The following POU2F1 variants were observed in gnomAD, a reference collection of about 807,000 sequenced individuals.
POU2F1 encodes POU class 2 homeobox 1.
Under a neutral mutation model 84.9 loss-of-function variants are expected in POU2F1, and 16 were observed. That is an observed-to-expected ratio of 0.19 (90% CI 0.13 to 0.29). The LOEUF is 0.29. POU2F1 is among the 10% of genes least tolerant of loss of function. The pLI is 1.00. For synonymous variants in POU2F1, 368 were observed against 368.3 expected, an observed-to-expected ratio of 1.00 and a Z score of 0.01; for missense variants, 738 against 942.6, an observed-to-expected ratio of 0.78 and a Z score of 2.84.
intron 1 of POU2F1, among the ~76,000 whole-genome samples, chr1:167,268,424 TCA>T (rs1652133306): frequency 6.6e-6 from 1 of 152,114 alleles, no homozygotes; most frequent in Non-Finnish European, 1.5e-5. Context: ...TTTCTTTCTC[TCA>T]GTCTGTCAAG....
chr1:167,388,842 A>G (rs1344240349), intron 8 of POU2F1, among the ~76,000 whole-genome samples: 1 of 152,192 alleles, frequency 6.6e-6, no homozygotes, highest in South Asian at 2.1e-4. Context: ...ATAGGCTTAG[A>G]GAGTATGTGT....
At chr1:167,338,186 C>T (rs1657597769) in intron 2 of POU2F1, 1 of 468,338 alleles carries the variant, frequency 2.1e-6, no homozygotes, top group Admixed American at 2.3e-5. Context: ...CCTCCTGTTC[C>T]TCCTTCTCAG....
rs373468492 is a variant in POU2F1 at position 167,346,169 on chromosome 1, T to C, written c.127+13634T>C. Among the ~76,000 whole-genome samples the C allele has an allele frequency of 6.6e-5, 10 of 152,124 alleles. 1 individual carries two copies. Among genetic ancestry groups the C allele is most frequent in the East Asian group, 5.8e-4 (3 of 5,182 alleles). On this transcript the variant is annotated intron_variant, in intron 2 of 15. Coordinates refer to ENST00000367866, the MANE Select transcript of POU2F1 (RefSeq NM_002697.4). ...CAGCCTGGGTGACAGAGTGAGACCC[T>C]GGATTTTTTTTTAAAAAAAGAATAA...
At chr1:167,331,806 G>A (rs969709488) in intron 1 of POU2F1, among the ~76,000 whole-genome samples, 2 of 151,970 alleles carry the variant, frequency 1.3e-5, no homozygotes, top group South Asian at 4.1e-4. Flanking sequence ...ACTTTAAGTG[G>A]GTGTGGTTGT....
chr1:167,415,448 G>C, intron 15 of POU2F1, 52 bp from the exon 16 acceptor site: 1 of 1,563,168 alleles, frequency 6.4e-7, no homozygotes, highest in Non-Finnish European at 8.7e-7. Context: ...GCTTCTCCAG[G>C]ATGATGTTAA....
chr1:167,337,709 T>C (rs1315810054), intron 2 of POU2F1, among the ~76,000 whole-genome samples: 1 of 148,728 alleles, frequency 6.7e-6, no homozygotes, highest in Non-Finnish European at 1.5e-5. Flanking sequence ...AAAAAAAAGA[T>C]AAGACAAAAG....
intron 6 of POU2F1, 126 bp downstream of exon 6, chr1:167,374,422 T>A: frequency 1.2e-6 from 1 of 866,798 alleles, no homozygotes; most frequent in Non-Finnish European, 1.7e-6. Flanking sequence ...TCTAGATCAG[T>A]GAGGTAAGCG....
At chr1:167,370,405 G>A (rs1170936337) in intron 4 of POU2F1, among the ~76,000 whole-genome samples, 191 bp downstream of exon 4, 3 of 152,058 alleles carry the variant, frequency 2.0e-5, no homozygotes, top group Non-Finnish European at 4.4e-5. Context: ...ATGCTACTGT[G>A]CATGAACCAA....
intron 8 of POU2F1, among the ~76,000 whole-genome samples, chr1:167,388,723 T>C (rs752481970): frequency 5.3e-5 from 8 of 152,172 alleles, no homozygotes; most frequent in Non-Finnish European, 8.8e-5. Context: ...TATTCACTCT[T>C]CTTTAAAAGT....
At chr1:167,404,860 C>A (rs530139120) in intron 13 of POU2F1, among the ~76,000 whole-genome samples, 1 of 152,160 alleles carries the variant, frequency 6.6e-6, no homozygotes, top group African/African-American at 2.4e-5. Flanking sequence ...GCAAATCTGT[C>A]TAAATCTCAA....
At chr1:167,298,623 G>C (rs1571251968) in intron 1 of POU2F1, among the ~76,000 whole-genome samples, 1 of 151,750 alleles carries the variant, frequency 6.6e-6, no homozygotes, top group African/African-American at 2.4e-5. Flanking sequence ...AATTGTGGCT[G>C]GTCTTCAGAT....
At chr1:167,368,904 C>G (rs1444856896) in intron 3 of POU2F1, among the ~76,000 whole-genome samples, 1 of 152,078 alleles carries the variant, frequency 6.6e-6, no homozygotes, top group Non-Finnish European at 1.5e-5. Flanking sequence ...CTTCTCTGTC[C>G]CTGTTAGTGG....
At chr1:167,221,229 C>T (rs954272881) in intron 1 of POU2F1, among the ~76,000 whole-genome samples, 1 of 151,362 alleles carries the variant, frequency 6.6e-6, no homozygotes, top group Non-Finnish European at 1.5e-5. Flanking sequence ...CCGCCGCTCG[C>T]CGTCTGCCCG....
intron 2 of POU2F1, among the ~76,000 whole-genome samples, chr1:167,363,178 A>G (rs1053222844): frequency 6.6e-6 from 1 of 152,146 alleles, no homozygotes; most frequent in African/African-American, 2.4e-5. Flanking sequence ...TAGCATTTTT[A>G]TGGCAACTTG....
chr1:167,371,946 G>C lies in POU2F1; in HGVS notation c.312G>C (p.Ser104=), dbSNP rs547434928. 9.3e-6 allele frequency: 15 copies of C among 1,614,098 alleles called. No individual in the cohort carries two copies. Among genetic ancestry groups the C allele is most frequent in the Non-Finnish European group, 1.3e-5 (15 of 1,179,996 alleles). The part of the protein sequence containing the change: ...QSKSNEESGD[S]QQPSQPSQQP... ...AATCTAATGAAGAATCGGGGGATTC[G>C]CAGCAGCCAAGCCAGCCTTCCCAGC... is the stretch of plus-strand genomic sequence containing the variant. Residue 104 remains serine, a synonymous_variant, in exon 5 of 16, where the codon TCG becomes TCC. Coordinates refer to ENST00000367866, the MANE Select transcript of POU2F1 (RefSeq NM_002697.4).
Position 167,389,657 on chromosome 1 carries a change from A to C in POU2F1, c.883A>C (p.Lys295Gln). Residue 295 changes from lysine (K) to glutamine (Q), a missense_variant, in exon 9 of 16, where the codon AAG becomes CAG. Transcript: ENST00000367866. ...QTLPQSQSTP[K>Q]RIDTPSLEEP... is the part of the protein sequence containing the mutation. Reference sequence around the variant, plus strand: ...ACTTCCACAGAGCCAGTCAACACCAAAGCGAATTGATACTCCCAGCTTGGA... The same window carrying C: ...ACTTCCACAGAGCCAGTCAACACCACAGCGAATTGATACTCCCAGCTTGGA... The C allele has an allele frequency of 1.2e-6, 2 of 1,614,166 alleles. No homozygotes were observed. Among genetic ancestry groups the C allele is most frequent in the Non-Finnish European group, 1.7e-6 (2 of 1,180,038 alleles).
At chr1:167,323,521 G>T (rs1395319549) in intron 1 of POU2F1, among the ~76,000 whole-genome samples, 1 of 152,140 alleles carries the variant, frequency 6.6e-6, no homozygotes, top group Non-Finnish European at 1.5e-5. Context: ...GACTTGATGA[G>T]ATTAACTGAC....
intron 1 of POU2F1, among the ~76,000 whole-genome samples, chr1:167,247,322 T>C (rs2102393351): frequency 6.6e-6 from 1 of 152,254 alleles, no homozygotes; most frequent in Admixed American, 6.5e-5. Context: ...TGCCTCGACC[T>C]CCCAAAGTTC....
At chr1:167,285,326 C>T (rs540365064) in intron 1 of POU2F1, among the ~76,000 whole-genome samples, 30 of 152,228 alleles carry the variant, frequency 2.0e-4, no homozygotes, top group Admixed American at 5.2e-4. Context: ...TATTTTTGGC[C>T]GGGTGCGGTG....
Sources: gnomAD v4.1 joint callset for allele counts (sites outside exome capture counted in the v4.1 genomes callset) on GRCh38, gnomAD v4.1.1 for gene constraint, MANE v1.5 for transcripts, NCBI Gene and HGNC (gene_info 2026-07-23, HGNC 2026-07-21) for gene names.